Variants in EDIL3 observed in about 807,000 individuals in gnomAD.
EDIL3 encodes EGF like and discoidin domains 3, also known as EGF-like repeat and discoidin I-like domain-containing protein 3.
EDIL3 carries 37 observed loss-of-function variants against 67.4 expected under a neutral mutation model. The observed-to-expected ratio is 0.55, with a 90% CI of 0.42 to 0.72. EDIL3 has a LOEUF of 0.72. Ranked by LOEUF, EDIL3 falls within the 30% of genes least tolerant of loss-of-function variation. The probability of loss-of-function intolerance (pLI) is 0.00; values close to 1 mark genes in which losing one functional copy is unlikely to be tolerated. For missense variants in EDIL3, 527 were observed against 586.3 expected, an observed-to-expected ratio of 0.90 and a Z score of 1.04; for synonymous variants, 195 against 196.3, an observed-to-expected ratio of 0.99 and a Z score of 0.05.
At chr5:84,099,259 TC>T (rs796842599) in intron 6 of EDIL3, among the ~76,000 whole-genome samples, 80 of 152,238 alleles carry the variant, frequency 5.3e-4, no homozygotes, top group African/African-American at 1.9e-3. Context: ...ACTTTAAATT[TC>T]ATACAGAACC....
chr5:84,067,949 T>C (rs1746672814), intron 6 of EDIL3, among the ~76,000 whole-genome samples: 1 of 152,242 alleles, frequency 6.6e-6, no homozygotes, highest in African/African-American at 2.4e-5. Flanking sequence ...TTTTCTCATT[T>C]TGATGTTCAG....
intron 1 of EDIL3, among the ~76,000 whole-genome samples, chr5:84,272,917 A>G (rs1361594959): frequency 6.6e-6 from 1 of 152,162 alleles, no homozygotes. Flanking sequence ...AATGGAATGT[A>G]TGGTTACCAC....
At chr5:84,254,904 C>T (rs890082770) in intron 1 of EDIL3, among the ~76,000 whole-genome samples, 5 of 152,100 alleles carry the variant, frequency 3.3e-5, no homozygotes, top group African/African-American at 7.2e-5. Flanking sequence ...TCTGGAAAAG[C>T]AGTCATGGCC....
At position 84,131,041 on chromosome 5, in the gene EDIL3, G is replaced by T. The variant is rs962379389; in HGVS notation, c.469+6200C>A. ...TTTACTAAAGAAGGACAAGTTGTTT[G>T]CATAAATAATAAAACTTAAAATCAC... On this transcript the variant is annotated intron_variant, in intron 5 of 10. Transcript: ENST00000296591. Among the ~76,000 whole-genome samples the T allele has an allele frequency of 2.6e-4, 40 of 151,990 alleles. 1 individual carries two copies. The highest frequency in any genetic ancestry group is 9.2e-4 in the African/African-American group (38 of 41,478).
chr5:84,092,368 C>A (rs765363343), intron 6 of EDIL3, among the ~76,000 whole-genome samples: 1 of 152,008 alleles, frequency 6.6e-6, no homozygotes, highest in Non-Finnish European at 1.5e-5. Context: ...AATATAATAG[C>A]GAAATTAGAA....
In EDIL3 at chr5:83,997,603, T is replaced by C. The variant is rs571780477; in HGVS notation, c.1138-34243A>G. On this transcript the variant is annotated intron_variant, in intron 9 of 10. Transcript: ENST00000296591. Reference sequence around the variant, plus strand: ...AGAATGTCCAAATGGTAATATCTAGTAACCGTTTACTACATAAGTCTAGAG... The same window carrying C: ...AGAATGTCCAAATGGTAATATCTAGCAACCGTTTACTACATAAGTCTAGAG... Among the ~76,000 whole-genome samples, 5 of 152,258 alleles carry C rather than the reference T, an allele frequency of 3.3e-5. No individual in the cohort carries two copies. The East Asian group carries it at 9.7e-4, about 29-fold the overall frequency.
chr5:83,968,520 T>C (rs1744735860), intron 9 of EDIL3, among the ~76,000 whole-genome samples: 1 of 152,084 alleles, frequency 6.6e-6, no homozygotes, highest in Non-Finnish European at 1.5e-5. Flanking sequence ...ATGGTATTTT[T>C]TTCACATGTA....
intron 6 of EDIL3, among the ~76,000 whole-genome samples, chr5:84,101,710 C>T (rs1280523100): frequency 1.3e-5 from 2 of 151,874 alleles, no homozygotes; most frequent in East Asian, 1.9e-4. Context: ...CCCAGGCCCA[C>T]ATGGATTCAC....
intron 6 of EDIL3, among the ~76,000 whole-genome samples, chr5:84,068,807 T>C (rs1404067076): frequency 6.6e-6 from 1 of 152,164 alleles, no homozygotes; most frequent in Non-Finnish European, 1.5e-5. Context: ...TGGAAAATAA[T>C]TCAATATAAG....
chr5:84,074,617 A>C (rs1277722309), intron 6 of EDIL3, among the ~76,000 whole-genome samples: 1 of 151,778 alleles, frequency 6.6e-6, no homozygotes, highest in Non-Finnish European at 1.5e-5. Context: ...ATCACTGGCC[A>C]TCAGCGAAAT....
At chr5:84,133,961 A>T (rs961473587) in intron 5 of EDIL3, among the ~76,000 whole-genome samples, 8 of 152,008 alleles carry the variant, frequency 5.3e-5, no homozygotes, top group African/African-American at 1.9e-4. Flanking sequence ...TACTTAAAAA[A>T]CTACAGGAAA....
intron 2 of EDIL3, among the ~76,000 whole-genome samples, chr5:84,243,024 A>C (rs1744829457): frequency 2.0e-5 from 3 of 152,034 alleles, no homozygotes; most frequent in Admixed American, 6.6e-5. Context: ...CTTCCCGTTT[A>C]ACACTGACAT....
At chr5:84,064,615 A>G in intron 8 of EDIL3, 85 bp downstream of exon 8, 1 of 1,453,724 alleles carries the variant, frequency 6.9e-7, no homozygotes, top group South Asian at 1.5e-5. Context: ...TGGTTGTTGA[A>G]TTTGTAGGTT....
Position 84,229,841 on chromosome 5 carries a change from C to A in EDIL3, c.226+14G>T. 1 of 1,585,738 alleles carries A rather than the reference C, an allele frequency of 6.3e-7. No homozygotes were observed. Among genetic ancestry groups the A allele is most frequent in the Non-Finnish European group, 8.6e-7 (1 of 1,163,704 alleles). The stretch of plus-strand genomic sequence containing the variant: ...CATTAAATAAGAATTATGTTTACAA[C>A]ATAGGAACTTTACCTGCTGAAGTTG... On this transcript the variant is annotated intron_variant, in intron 3 of 10. Transcript: ENST00000296591.
chr5:84,271,943 C>T lies in EDIL3; in HGVS notation c.68-17731G>A, dbSNP rs192695349. On this transcript the variant is annotated intron_variant, in intron 1 of 10. Coordinates refer to ENST00000296591, the MANE Select transcript of EDIL3 (RefSeq NM_005711.5). ...CTGCTTTTTTCTCAGAAGATTTTCTCGGAGCTTTTCTTCTTCTTAGCTTAA... is the reference window on the plus strand; with the variant it reads ...CTGCTTTTTTCTCAGAAGATTTTCTTGGAGCTTTTCTTCTTCTTAGCTTAA... Among the ~76,000 whole-genome samples, 53 of 152,140 alleles carry T rather than the reference C, an allele frequency of 3.5e-4. 1 individual carries two copies. In the East Asian group the frequency reaches 8.7e-3, roughly 25 times the overall value.
At chr5:84,331,183 C>G (rs1746863730) in intron 1 of EDIL3, among the ~76,000 whole-genome samples, 1 of 152,136 alleles carries the variant, frequency 6.6e-6, no homozygotes, top group African/African-American at 2.4e-5. Context: ...AGGGACTTGC[C>G]TTATCTCAGC....
Position 84,130,550 on chromosome 5 carries a change from T to TA in EDIL3, c.469+6690dup, listed in dbSNP as rs200463705. 5.4e-3 allele frequency among the ~76,000 whole-genome samples: 822 copies of TA among 152,158 alleles called. 9 individuals are homozygous for TA. The highest frequency in any genetic ancestry group is 0.019 in the African/African-American group (778 of 41,530). The stretch of plus-strand genomic sequence containing the variant: ...TTCACTTCCTTATAGACACCTTTTT[T>TA]AAAAAAATTATTTACTTCAGAATTT... On this transcript the variant is annotated intron_variant, in intron 5 of 10. Coordinates refer to ENST00000296591, the MANE Select transcript of EDIL3 (RefSeq NM_005711.5).
rs572391444 is a variant in EDIL3, at chr5:84,073,303, C to T, written c.652-6697G>A. 1.1e-4 allele frequency among the ~76,000 whole-genome samples: 16 copies of T among 152,286 alleles called. No individual in the cohort carries two copies. The South Asian group carries it at 1.2e-3, about 12-fold the overall frequency. ...AACAGGCACAAGACAAGGATGCCCT[C>T]TCTCACCACTCCTATTCAACATAGT... is the stretch of plus-strand genomic sequence containing the variant. On this transcript the variant is annotated intron_variant, in intron 6 of 10. Coordinates refer to ENST00000296591, the MANE Select transcript of EDIL3 (RefSeq NM_005711.5).
intron 3 of EDIL3, among the ~76,000 whole-genome samples, chr5:84,191,294 G>A (rs942641741): frequency 6.6e-6 from 1 of 152,010 alleles, no homozygotes; most frequent in Non-Finnish European, 1.5e-5. Flanking sequence ...TGGAGGAAAG[G>A]ATTTCTATTT....
Sources: gnomAD v4.1 joint callset for allele counts (sites outside exome capture counted in the v4.1 genomes callset) on GRCh38, gnomAD v4.1.1 for gene constraint, MANE v1.5 for transcripts, NCBI Gene and HGNC (gene_info 2026-07-23, HGNC 2026-07-21) for gene names.